The following RIF1 variants were observed in gnomAD, a reference collection of about 807,000 sequenced individuals.
The protein encoded by RIF1 is telomere-associated protein RIF1.
RIF1 carries 45 observed loss-of-function variants against 247.1 expected under a neutral mutation model. That is an observed-to-expected ratio of 0.18 (90% confidence interval 0.14 to 0.23). The LOEUF (loss-of-function observed/expected upper bound fraction) is 0.23, where lower values mean the gene tolerates loss of function less well. RIF1 is among the 10% of genes least tolerant of loss of function. The pLI is 1.00. For missense variants in RIF1, 2,967 were observed against 2,862.5 expected, an observed-to-expected ratio of 1.04 and a Z score of -0.83; for synonymous variants, 1,087 against 978.8, an observed-to-expected ratio of 1.11 and a Z score of -2.06.
downstream of RIF1, chr2:151,485,697 T>C (rs1265309687): frequency 6.6e-7 from 1 of 1,515,576 alleles, no homozygotes; most frequent in Non-Finnish European, 8.9e-7. Context: ...GTGGAGAGTC[T>C]AAACCGAAAC....
intron 12 of RIF1, chr2:151,503,458 G>C (rs756052626): frequency 6.5e-7 from 1 of 1,530,594 alleles, no homozygotes; most frequent in Non-Finnish European, 9.1e-7. Flanking sequence ...AAAATAATTA[G>C]AATACCCAGA....
chr2:151,442,934 G>C (rs545277329), intron 16 of RIF1, among the ~76,000 whole-genome samples: 16 of 151,744 alleles, frequency 1.1e-4, no homozygotes, highest in Non-Finnish European at 1.9e-4. Context: ...ACCCTGCCCG[G>C]CTAGTTTTTT....
downstream of RIF1, among the ~76,000 whole-genome samples, chr2:151,487,134 C>T (rs568389927): frequency 3.3e-5 from 5 of 152,188 alleles, no homozygotes; most frequent in South Asian, 2.1e-4. Flanking sequence ...TTCTACCTTT[C>T]GAAGAGGTCA....
chr2:151,414,166 T>C (rs1307524937), intron 3 of RIF1, among the ~76,000 whole-genome samples: 5 of 151,614 alleles, frequency 3.3e-5, no homozygotes, highest in Admixed American at 2.0e-4. Flanking sequence ...TACAAAAATA[T>C]AGGCATGGTG....
At chr2:151,442,389 A>T (rs748780090) in intron 16 of RIF1, among the ~76,000 whole-genome samples, 2,435 of 133,902 alleles carry the variant, frequency 0.018, 46 homozygotes, top group East Asian at 0.051. Flanking sequence ...CCTTTTTTTT[A>T]AAAAAAAAAA....
At chr2:151,431,812 T>TGAATGAATGAATGAAC (rs1396705391) in intron 9 of RIF1, among the ~76,000 whole-genome samples, 2 of 148,434 alleles carry the variant, frequency 1.3e-5, no homozygotes, top group Non-Finnish European at 3.0e-5. Context: ...AATGAATGAA[T>TGAATGAATGAATGAAC]GAACAAAAAG....
intron 9 of RIF1, among the ~76,000 whole-genome samples, chr2:151,432,010 T>G (rs892979874): frequency 2.0e-5 from 3 of 152,114 alleles, no homozygotes; most frequent in Non-Finnish European, 2.9e-5. Flanking sequence ...TCAAGTTATT[T>G]ATTTATTTAT....
At chr2:151,428,697 C>A in intron 8 of RIF1, 87 bp from the exon 9 acceptor site, 1 of 1,018,656 alleles carries the variant, frequency 9.8e-7, no homozygotes, top group Non-Finnish European at 1.5e-6. Context: ...CTAAGAGCAT[C>A]TGTTAAGTGA....
chr2:151,427,725 A>T (rs1010340507), intron 8 of RIF1, among the ~76,000 whole-genome samples: 3 of 148,464 alleles, frequency 2.0e-5, no homozygotes, highest in Non-Finnish European at 4.5e-5. Flanking sequence ...GTTAGTCACC[A>T]GCCTGGCCAG....
At chr2:151,493,841 T>G (rs761076471) in intron 9 of RIF1, 7 of 1,577,314 alleles carry the variant, frequency 4.4e-6, no homozygotes, top group Non-Finnish European at 6.0e-6. Context: ...TGGGGGTTGC[T>G]TTCCCCAGGT....
chr2:151,510,020 T>TGTAA (rs1232526150), downstream of RIF1, among the ~76,000 whole-genome samples: 2 of 152,250 alleles, frequency 1.3e-5, no homozygotes, highest in African/African-American at 4.8e-5. Context: ...TATGTCTTTG[T>TGTAA]GTAAGTGTTC....
chr2:151,490,390 C>A, intron 9 of RIF1: 1 of 1,591,472 alleles, frequency 6.3e-7, no homozygotes, highest in Admixed American at 1.7e-5. Context: ...ACTGCAAAGA[C>A]ACCCCCGTCG....
chr2:151,468,171 C>A, intron 31 of RIF1, 25 bp downstream of exon 31: 2 of 1,569,780 alleles, frequency 1.3e-6, no homozygotes, highest in Non-Finnish European at 1.7e-6. Context: ...TTAAAATATA[C>A]ATATATGTAT....
At position 151,465,365 on chromosome 2, in the gene RIF1, A is replaced by T; in HGVS notation, c.5845A>T (p.Asn1949Tyr). The T allele has an allele frequency of 6.2e-7, 1 of 1,613,858 alleles. No individual in the cohort carries two copies. Among genetic ancestry groups the T allele is most frequent in the Non-Finnish European group, 8.5e-7 (1 of 1,179,942 alleles). Reference sequence around the variant, plus strand: ...AGCAGCAATAGAAGAAAATAAAAGAAATGATGACTCTGAAGCAGACACAGC... The same window carrying T: ...AGCAGCAATAGAAGAAAATAAAAGATATGATGACTCTGAAGCAGACACAGC... ...EEAAIEENKR[N>Y]DDSEADTAKL... Residue 1949 changes from asparagine (N) to tyrosine (Y), a missense_variant, in exon 30 of 36, where the codon AAT becomes TAT. Physicochemically the swap from Asn to Tyr is moderately radical, Grantham distance 143. Around this residue, in one of 7 missense-constraint regions of RIF1, gnomAD observed 2,028 missense variants for 1,825.6 expected, o/e 1.11. Coordinates refer to ENST00000444746, the MANE Select transcript of RIF1 (RefSeq NM_018151.5).
intron 33 of RIF1, 74 bp from the exon 34 acceptor site, chr2:151,469,637 A>T: frequency 9.0e-7 from 1 of 1,109,696 alleles, no homozygotes; most frequent in South Asian, 2.7e-5. Flanking sequence ...GGGGAAATTG[A>T]ACTGGATAAA....
At position 151,443,721 on chromosome 2, in the gene RIF1, A is replaced by C. The variant is rs1376259202; in HGVS notation, c.1986+12A>C. 1 of 1,483,320 alleles carries C rather than the reference A, an allele frequency of 6.7e-7. No homozygotes were observed. The highest frequency in any genetic ancestry group is 9.0e-7 in the Non-Finnish European group (1 of 1,115,900). The allele number at this position is 1,483,320 out of a possible 1,614,324, so 91.9% of individuals were successfully genotyped here. On this transcript the variant is annotated intron_variant, in intron 18 of 35. Transcript: ENST00000444746. ...AATTGATTAATCAGGTATGAAATAA[A>C]TCTGCTACGTATTTTGGATAATAGA...
the RIF1 span, chr2:151,519,210 AG>A: frequency 1.5e-6 from 1 of 671,890 alleles, no homozygotes; most frequent in Non-Finnish European, 2.7e-6. Context: ...AGTAGCCAGA[AG>A]GCAGAAACAA....
chr2:151,497,072 T>TAACA, intron 10 of RIF1: 1 of 1,543,224 alleles, frequency 6.5e-7, no homozygotes, highest in Non-Finnish European at 8.8e-7. Flanking sequence ...CAACCATGAG[T>TAACA]AACATTTCAT....
downstream of RIF1, among the ~76,000 whole-genome samples, chr2:151,484,474 T>C (rs750646589): frequency 2.2e-4 from 33 of 152,170 alleles, no homozygotes; most frequent in African/African-American, 8.0e-4. Flanking sequence ...CGCACGCCTG[T>C]AGTCCCAGCT....
Sources: gnomAD v4.1 joint callset for allele counts (sites outside exome capture counted in the v4.1 genomes callset) on GRCh38, gnomAD v4.1.1 for gene constraint, gnomAD v4.1.1 regional missense constraint, MANE v1.5 for transcripts, NCBI Gene and HGNC (gene_info 2026-07-23, HGNC 2026-07-21) for gene names.